MSRA: variants seen among roughly 807,000 people sequenced by gnomAD.
The protein encoded by MSRA is methionine sulfoxide reductase A, also known as mitochondrial peptide methionine sulfoxide reductase.
Under a neutral mutation model 31.3 loss-of-function variants are expected in MSRA, and 54 were observed. The ratio of observed to expected loss-of-function variants is 1.73; its 90% CI spans 1.39 to 2.17. The LOEUF is 2.17. MSRA is among the 30% of genes most tolerant of loss of function. MSRA has a pLI of 0.00. For synonymous variants in MSRA, 169 were observed against 116.5 expected, an observed-to-expected ratio of 1.45 and a Z score of -2.90; for missense variants, 507 against 300.9, an observed-to-expected ratio of 1.69 and a Z score of -5.07.
chr8:10,205,867 T>G (rs1808917960), intron 1 of MSRA, among the ~76,000 whole-genome samples: 1 of 152,220 alleles, frequency 6.6e-6, no homozygotes. Context: ...TTTCCCACAT[T>G]TCTGTATCTC....
chr8:10,244,606 C>A (rs1025285876), intron 2 of MSRA, among the ~76,000 whole-genome samples: 2 of 152,094 alleles, frequency 1.3e-5, no homozygotes, highest in African/African-American at 4.8e-5. Context: ...AAAATGAAAA[C>A]TAAACACATA....
At chr8:10,365,967 C>CT (rs1042122123) in intron 5 of MSRA, among the ~76,000 whole-genome samples, 1 of 152,222 alleles carries the variant, frequency 6.6e-6, no homozygotes, top group African/African-American at 2.4e-5. Context: ...CTTCATTCCC[C>CT]TTCAGTCCTT....
chr8:10,144,904 AT>A (rs1803009871), intron 1 of MSRA, among the ~76,000 whole-genome samples: 1 of 151,644 alleles, frequency 6.6e-6, no homozygotes. Context: ...GATTATTGCC[AT>A]TTTTTTGGAC....
chr8:10,164,550 C>G (rs1222796151), intron 1 of MSRA, among the ~76,000 whole-genome samples: 3 of 152,130 alleles, frequency 2.0e-5, no homozygotes, highest in Admixed American at 6.5e-5. Flanking sequence ...AATAAACAAC[C>G]CAATGTCACA....
intron 1 of MSRA, among the ~76,000 whole-genome samples, chr8:10,185,455 C>G (rs1270073706): frequency 2.6e-5 from 4 of 152,112 alleles, no homozygotes; most frequent in African/African-American, 4.8e-5. Context: ...CTGTTTCTGC[C>G]TTTCTACCTC....
chr8:10,231,256 T>C (rs1286666989), intron 2 of MSRA, among the ~76,000 whole-genome samples: 1 of 151,898 alleles, frequency 6.6e-6, no homozygotes, highest in East Asian at 1.9e-4. Context: ...GCTGTCACCG[T>C]CTAGCTGGGA....
intron 3 of MSRA, among the ~76,000 whole-genome samples, chr8:10,289,707 A>G (rs370524828): frequency 1.3e-5 from 2 of 152,218 alleles, no homozygotes; most frequent in African/African-American, 4.8e-5. Flanking sequence ...TCATGCTCGT[A>G]GGGCCTCTCT....
At chr8:10,190,597 C>T (rs1194376664) in intron 1 of MSRA, among the ~76,000 whole-genome samples, 1 of 152,214 alleles carries the variant, frequency 6.6e-6, no homozygotes, top group African/African-American at 2.4e-5. Context: ...CTTCCTTGGG[C>T]ACTTTCTGTC....
At chr8:10,374,036 C>T (rs972810699) in intron 5 of MSRA, among the ~76,000 whole-genome samples, 3 of 152,220 alleles carry the variant, frequency 2.0e-5, no homozygotes, top group African/African-American at 2.4e-5. Flanking sequence ...TTCCTGGCTT[C>T]CATGCAAACT....
chr8:10,255,471 T>C (rs1798127436), intron 3 of MSRA, among the ~76,000 whole-genome samples: 1 of 152,212 alleles, frequency 6.6e-6, no homozygotes, highest in Non-Finnish European at 1.5e-5. Context: ...GTGAATTTAA[T>C]GTAAAGCTGT....
intron 1 of MSRA, among the ~76,000 whole-genome samples, chr8:10,105,382 T>A (rs1799814379): frequency 6.6e-6 from 1 of 152,332 alleles, no homozygotes; most frequent in Admixed American, 6.5e-5. Flanking sequence ...CAGAATTTTA[T>A]CTCCTTAATT....
chr8:10,059,044 G>C (rs1802555418), intron 1 of MSRA: 1 of 152,102 alleles, frequency 6.6e-6, no homozygotes, highest in African/African-American at 2.4e-5. Flanking sequence ...AACTACAAAA[G>C]AGGAAAAAAG....
chr8:10,075,954 A>G (rs1027658368), intron 1 of MSRA, among the ~76,000 whole-genome samples: 1 of 152,196 alleles, frequency 6.6e-6, no homozygotes, highest in Non-Finnish European at 1.5e-5. Flanking sequence ...TTTCATGACC[A>G]TACGTCGATG....
chr8:10,328,036 T>TTC (rs1802472144), intron 5 of MSRA, among the ~76,000 whole-genome samples: 1 of 137,642 alleles, frequency 7.3e-6, no homozygotes, highest in African/African-American at 2.8e-5. Flanking sequence ...AATTTTTTTT[T>TTC]TTTTTTTTTT....
chr8:10,264,006 C>G (rs1798614250), intron 3 of MSRA, among the ~76,000 whole-genome samples: 1 of 152,032 alleles, frequency 6.6e-6, no homozygotes, highest in East Asian at 1.9e-4. Context: ...TTTTTTTTCA[C>G]AGGCTTCAGA....
chr8:10,060,362 G>GT (rs1802641435), intron 1 of MSRA, among the ~76,000 whole-genome samples: 1 of 152,214 alleles, frequency 6.6e-6, no homozygotes, highest in African/African-American at 2.4e-5. Flanking sequence ...GGTCTCAACA[G>GT]TGTATATATA....
At chr8:10,316,612 C>T (rs992739128) in intron 4 of MSRA, among the ~76,000 whole-genome samples, 1 of 147,858 alleles carries the variant, frequency 6.8e-6, no homozygotes, top group Non-Finnish European at 1.5e-5. Flanking sequence ...CTCTCCCTTC[C>T]TCCCTTTTGA....
chr8:10,404,593 G>A lies in MSRA; in HGVS notation c.544-23555G>A, dbSNP rs533609206. 5.9e-5 allele frequency among the ~76,000 whole-genome samples: 9 copies of A among 152,340 alleles called. No individual in the cohort carries two copies. In the East Asian group the frequency reaches 1.7e-3, roughly 29 times the overall value. On this transcript the variant is annotated intron_variant, in intron 5 of 5. Coordinates refer to ENST00000317173, the MANE Select transcript of MSRA (RefSeq NM_012331.5). ...CAGCAGCTGCTTCTGACAGGTGCGC[G>A]GGCTCTCCATGGCAGATGGTGACCA...
chr8:10,213,878 C>T (rs1041839727), intron 2 of MSRA, among the ~76,000 whole-genome samples: 3 of 152,056 alleles, frequency 2.0e-5, no homozygotes, highest in Admixed American at 1.3e-4. Flanking sequence ...GGTGTGAACC[C>T]GTACCATTTG....
Sources: gnomAD v4.1 joint callset for allele counts (sites outside exome capture counted in the v4.1 genomes callset) on GRCh38, gnomAD v4.1.1 for gene constraint, MANE v1.5 for transcripts, NCBI Gene and HGNC (gene_info 2026-07-23, HGNC 2026-07-21) for gene names.